Variants in PTGFRN observed in about 807,000 individuals in gnomAD.
PTGFRN encodes the protein prostaglandin F2 receptor inhibitor, also known as prostaglandin F2 receptor negative regulator.
Under a neutral mutation model 83.2 loss-of-function variants are expected in PTGFRN, and 35 were observed. That is an observed-to-expected ratio of 0.42 (90% CI 0.32 to 0.56). The LOEUF (loss-of-function observed/expected upper bound fraction) is 0.56, where lower values mean the gene tolerates loss of function less well. Among genes scored for constraint, PTGFRN ranks in the 20% least tolerant of loss-of-function variants. The probability of loss-of-function intolerance (pLI) is 0.11; values close to 1 mark genes in which losing one functional copy is unlikely to be tolerated. For missense variants in PTGFRN, 1,051 were observed against 1,179.5 expected, an observed-to-expected ratio of 0.89 and a Z score of 1.60; for synonymous variants, 519 against 498.6, an observed-to-expected ratio of 1.04 and a Z score of -0.55.
At chr1:116,946,403 C>T (rs937854936) in intron 3 of PTGFRN, among the ~76,000 whole-genome samples, 1 of 152,166 alleles carries the variant, frequency 6.6e-6, no homozygotes, top group Non-Finnish European at 1.5e-5. Flanking sequence ...AAATCGCTTT[C>T]CAGATGGACT....
In PTGFRN at chr1:116,984,926, C is replaced by T; in HGVS notation, c.2414C>T (p.Ser805Phe). ...VTPWVKSPTGSWQKEAEIHSK... is the reference protein window; with the variant it reads ...VTPWVKSPTGFWQKEAEIHSK... Reference sequence around the variant, plus strand: ...CCATGGGTGAAGTCACCAACAGGTTCCTGGCAGAAGGAGGCAGAGATCCAC... The same window carrying T: ...CCATGGGTGAAGTCACCAACAGGTTTCTGGCAGAAGGAGGCAGAGATCCAC... Residue 805 changes from serine (S) to phenylalanine (F), a missense_variant, in exon 8 of 9, where the codon TCC becomes TTC. Around this residue, in one of 3 missense-constraint regions of PTGFRN, gnomAD observed 719 missense variants for 836.6 expected, o/e 0.86. Transcript: ENST00000393203. 1 of 1,614,148 alleles carries T rather than the reference C, an allele frequency of 6.2e-7. No individual in the cohort carries two copies. Among genetic ancestry groups the T allele is most frequent in the Non-Finnish European group, 8.5e-7 (1 of 1,180,020 alleles).
At chr1:116,924,460 A>G (rs1230771524) in intron 1 of PTGFRN, among the ~76,000 whole-genome samples, 2 of 152,146 alleles carry the variant, frequency 1.3e-5, no homozygotes, top group Non-Finnish European at 2.9e-5. Flanking sequence ...GTAGTTTTAA[A>G]GGCATTAGTG....
intron 1 of PTGFRN, among the ~76,000 whole-genome samples, chr1:116,932,465 G>A (rs1175133507): frequency 1.3e-5 from 2 of 152,068 alleles, no homozygotes; most frequent in Non-Finnish European, 2.9e-5. Flanking sequence ...TCAGAGCAGA[G>A]GACTTCTAAA....
intron 1 of PTGFRN, among the ~76,000 whole-genome samples, chr1:116,915,339 G>A (rs1315074857): frequency 7.9e-5 from 12 of 152,194 alleles, no homozygotes; most frequent in Non-Finnish European, 5.9e-5. Flanking sequence ...TGGCCATGCC[G>A]GCTCTGAGGA....
At chr1:116,968,233 G>GAA (rs1356204082) in intron 6 of PTGFRN, among the ~76,000 whole-genome samples, 1 of 152,076 alleles carries the variant, frequency 6.6e-6, no homozygotes, top group Non-Finnish European at 1.5e-5. Flanking sequence ...AGAAATTTCT[G>GAA]AATGTATAAA....
chr1:116,927,855 A>C (rs1649693234), intron 1 of PTGFRN, among the ~76,000 whole-genome samples: 1 of 152,180 alleles, frequency 6.6e-6, no homozygotes, highest in Admixed American at 6.5e-5. Flanking sequence ...GCAAAAACTA[A>C]GAAAAGTTGC....
At position 116,941,795 on chromosome 1, in the gene PTGFRN, A is replaced by G. The variant is rs773932895; in HGVS notation, c.130A>G (p.Asn44Asp). The G allele has an allele frequency of 6.2e-6, 10 of 1,614,072 alleles. No individual in the cohort carries two copies. The highest frequency in any genetic ancestry group is 7.6e-6 in the Non-Finnish European group (9 of 1,180,040). ...GGGCACTGAGCTGGTCATCCCCTGCAACGTCAGTGACTATGATGGCCCCAG... is the reference window on the plus strand; with the variant it reads ...GGGCACTGAGCTGGTCATCCCCTGCGACGTCAGTGACTATGATGGCCCCAG... ...VVGTELVIPC[N>D]VSDYDGPSEQ... Residue 44 changes from asparagine to aspartate, a missense_variant, in exon 2 of 9, where the codon AAC (asparagine) becomes GAC (aspartate). Around this residue, in one of 3 missense-constraint regions of PTGFRN, gnomAD observed 127 missense variants for 168.4 expected, o/e 0.75. Coordinates refer to ENST00000393203, the MANE Select transcript of PTGFRN (RefSeq NM_020440.4). The surrounding 1 kb of genome is among the most constrained non-coding windows in gnomAD (Gnocchi z 5.0).
At chr1:116,926,875 G>C (rs924961128) in intron 1 of PTGFRN, among the ~76,000 whole-genome samples, 1 of 152,160 alleles carries the variant, frequency 6.6e-6, no homozygotes, top group Non-Finnish European at 1.5e-5. Context: ...GCCTAAAAAG[G>C]AGAGTTAAAG....
intron 1 of PTGFRN, among the ~76,000 whole-genome samples, chr1:116,935,632 A>T (rs958906300): frequency 6.6e-6 from 1 of 152,210 alleles, no homozygotes; most frequent in African/African-American, 2.4e-5. Flanking sequence ...ACTTCCAATG[A>T]AATACACATA....
At position 116,944,762 on chromosome 1, in the gene PTGFRN, C is replaced by G. The variant is rs752605918; in HGVS notation, c.502C>G (p.Arg168Gly). Residue 168 changes from arginine to glycine, a missense_variant, in exon 3 of 9, where the codon CGC (arginine) becomes GGC (glycine). Arg to Gly is a moderately radical substitution (Grantham distance 125). Around this residue, in one of 3 missense-constraint regions of PTGFRN, gnomAD observed 205 missense variants for 174.5 expected, o/e 1.17. Coordinates refer to ENST00000393203, the MANE Select transcript of PTGFRN (RefSeq NM_020440.4). ...SLREGEPFELRCTAASASPLH... is the reference protein window; with the variant it reads ...SLREGEPFELGCTAASASPLH... ...GCGGGAGGGGGAGCCCTTCGAGCTG[C>G]GCTGCACCGCCGCCTCCGCCTCGCC... 6.4e-7 allele frequency: 1 copy of G among 1,551,300 alleles called. No homozygotes were observed. The highest frequency in any genetic ancestry group is 1.2e-5 in the South Asian group (1 of 83,546).
intron 1 of PTGFRN, among the ~76,000 whole-genome samples, chr1:116,913,636 T>C (rs1174159513): frequency 1.6e-4 from 24 of 152,178 alleles, no homozygotes; most frequent in Non-Finnish European, 2.9e-5. Context: ...TTGTTTCCCC[T>C]GGGGGCAGGG....
intron 7 of PTGFRN, 178 bp downstream of exon 7, chr1:116,974,501 A>C (rs1018185628): frequency 4.1e-6 from 2 of 484,244 alleles, no homozygotes; most frequent in Non-Finnish European, 7.3e-6. Context: ...GAGTGGATGC[A>C]TCTATCTGCT....
chr1:116,910,416 C>T (rs1205697344), intron 1 of PTGFRN, among the ~76,000 whole-genome samples, 164 bp downstream of exon 1: 3 of 150,286 alleles, frequency 2.0e-5, no homozygotes, highest in South Asian at 2.1e-4. Flanking sequence ...CGGGGAGCGG[C>T]CGCGGGGCCG....
In PTGFRN at chr1:116,909,962, G is replaced by T; in HGVS notation, c.-242G>T. 1.8e-6 allele frequency: 1 copy of T among 569,464 alleles called. No homozygotes were observed. The highest frequency in any genetic ancestry group is 2.0e-5 in the South Asian group (1 of 49,736). 35.3% of individuals were successfully genotyped at this position (569,464 alleles called of 1,614,324 possible). On this transcript the variant is annotated 5_prime_UTR_variant, in exon 1 of 9. Coordinates refer to ENST00000393203, the MANE Select transcript of PTGFRN (RefSeq NM_020440.4). ...GTCGGGGCTGCACACTCGGATCGGC[G>T]GGGCCGGCTCCCGGGCCCGGCCGGC...
At chr1:116,972,519 T>G (rs1651032244) in intron 6 of PTGFRN, among the ~76,000 whole-genome samples, 1 of 152,252 alleles carries the variant, frequency 6.6e-6, no homozygotes, top group Non-Finnish European at 1.5e-5. Flanking sequence ...CCTTTCATCA[T>G]GTTACTCCCT....
intron 1 of PTGFRN, among the ~76,000 whole-genome samples, chr1:116,935,873 A>C (rs1649909228): frequency 6.6e-6 from 1 of 152,214 alleles, no homozygotes; most frequent in Admixed American, 6.5e-5. Flanking sequence ...ACAACCCAGT[A>C]GTGTCCTCAA....
rs886893200 is a variant in PTGFRN at position 116,952,256 on chromosome 1, G to A, written c.1213+2684G>A. Among the ~76,000 whole-genome samples, 2 of 152,098 alleles carry A rather than the reference G, an allele frequency of 1.3e-5. No individual in the cohort carries two copies. Among genetic ancestry groups the A allele is most frequent in the Non-Finnish European group, 1.5e-5 (1 of 68,032 alleles). On this transcript the variant is annotated intron_variant, in intron 4 of 8. Coordinates refer to ENST00000393203, the MANE Select transcript of PTGFRN (RefSeq NM_020440.4). This position sits in a 1 kb window ranked among gnomAD's most constrained non-coding sequence, Gnocchi z 4.0. ...AGCTGGGTAGTTCTTGTCTTCATTTGCTTGGGGCTTGTGTACTGAGCTAGG... is the reference window on the plus strand; with the variant it reads ...AGCTGGGTAGTTCTTGTCTTCATTTACTTGGGGCTTGTGTACTGAGCTAGG...
intron 8 of PTGFRN, among the ~76,000 whole-genome samples, 163 bp from the exon 9 acceptor site, chr1:116,986,638 G>T (rs561467720): frequency 6.6e-6 from 1 of 152,344 alleles, no homozygotes; most frequent in Non-Finnish European, 1.5e-5. Flanking sequence ...AGATAAGGCT[G>T]AGCTTCTCCT....
intron 1 of PTGFRN, among the ~76,000 whole-genome samples, chr1:116,920,527 C>T (rs1649510825): frequency 6.6e-6 from 1 of 152,136 alleles, no homozygotes; most frequent in South Asian, 2.1e-4. Context: ...CCAGTATGCC[C>T]CAGACCACAG....
Sources: allele counts gnomAD v4.1 joint callset (sites outside exome capture counted in the v4.1 genomes callset), GRCh38; gene constraint gnomAD v4.1.1; regional missense constraint gnomAD v4.1.1; non-coding constraint Gnocchi (gnomAD v3.1); transcripts MANE v1.5; gene names NCBI Gene and HGNC (gene_info 2026-07-23, HGNC 2026-07-21).